The following CTDSPL variants were observed in gnomAD, a reference collection of about 807,000 sequenced individuals.
The protein encoded by CTDSPL is CTD small phosphatase like, also known as CTD small phosphatase-like protein.
CTDSPL carries 8 observed loss-of-function variants against 30.5 expected under a neutral mutation model. The observed-to-expected ratio is 0.26, with a 90% CI of 0.15 to 0.47. The LOEUF is 0.47. Ranked by LOEUF, CTDSPL falls within the 20% of genes least tolerant of loss-of-function variation. CTDSPL has a pLI of 0.99. For missense variants in CTDSPL, 248 were observed against 366.1 expected (o/e 0.68, Z 2.63); for synonymous variants, 110 against 137.9 (o/e 0.80, Z 1.42).
chr3:37,872,259 G>C (rs946039168), intron 1 of CTDSPL, among the ~76,000 whole-genome samples: 1 of 152,058 alleles, frequency 6.6e-6, no homozygotes, highest in African/African-American at 2.4e-5. Context: ...AAAAATCATG[G>C]CTGCTTTAAA....
intron 2 of CTDSPL, among the ~76,000 whole-genome samples, chr3:37,948,198 C>T (rs949032365): frequency 2.6e-5 from 4 of 152,056 alleles, no homozygotes; most frequent in African/African-American, 7.2e-5. Context: ...GCTGGAGAAT[C>T]GCTTGAACCT....
chr3:37,895,644 A>G (rs753316452), intron 1 of CTDSPL, among the ~76,000 whole-genome samples: 5 of 152,168 alleles, frequency 3.3e-5, no homozygotes, highest in Non-Finnish European at 5.9e-5. Flanking sequence ...CTTACTGTCT[A>G]TCTTTTTACA....
intron 1 of CTDSPL, among the ~76,000 whole-genome samples, chr3:37,877,762 A>G (rs545442250): frequency 8.5e-5 from 13 of 152,294 alleles, no homozygotes; most frequent in Admixed American, 3.9e-4. Flanking sequence ...CTTCTGCTGT[A>G]GCCTCAGGAA....
chr3:37,884,408 C>T (rs546401161), intron 1 of CTDSPL, among the ~76,000 whole-genome samples: 26 of 152,188 alleles, frequency 1.7e-4, no homozygotes, highest in Non-Finnish European at 3.5e-4. Context: ...AAAATTCTAA[C>T]AGCAGTTATC....
intron 1 of CTDSPL, among the ~76,000 whole-genome samples, chr3:37,927,894 T>A (rs537768231): frequency 6.6e-6 from 1 of 152,160 alleles, no homozygotes; most frequent in East Asian, 1.9e-4. Context: ...TTTATGCTTC[T>A]GTGAGTTTGC....
At chr3:37,877,720 G>C (rs905247105) in intron 1 of CTDSPL, among the ~76,000 whole-genome samples, 2 of 143,146 alleles carry the variant, frequency 1.4e-5, no homozygotes, top group Non-Finnish European at 3.1e-5. Context: ...GGTTCTGCGG[G>C]CAGTACAGGC....
intron 1 of CTDSPL, among the ~76,000 whole-genome samples, chr3:37,925,922 G>A (rs534081767): frequency 2.6e-5 from 4 of 152,174 alleles, no homozygotes; most frequent in Admixed American, 1.3e-4. Context: ...ACTGTGTGAC[G>A]TACTCTATAT....
At chr3:37,874,586 TG>T (rs1178830378) in intron 1 of CTDSPL, among the ~76,000 whole-genome samples, 4 of 151,984 alleles carry the variant, frequency 2.6e-5, no homozygotes, top group African/African-American at 9.7e-5. Flanking sequence ...AAAAATGAGC[TG>T]GGCGTGGTGG....
intron 1 of CTDSPL, among the ~76,000 whole-genome samples, chr3:37,899,130 T>C (rs569595534): frequency 7.2e-5 from 11 of 152,158 alleles, no homozygotes; most frequent in Non-Finnish European, 1.6e-4. Flanking sequence ...GGAGAAGTGC[T>C]AAGTAGGCAG....
chr3:37,946,065 C>T (rs1398305285), intron 1 of CTDSPL, among the ~76,000 whole-genome samples: 3 of 152,182 alleles, frequency 2.0e-5, no homozygotes, highest in Non-Finnish European at 4.4e-5. Context: ...TCCCATTAAT[C>T]CTAAGCATGG....
At chr3:37,976,785 T>G (rs901048327) in intron 7 of CTDSPL, among the ~76,000 whole-genome samples, 18 of 152,110 alleles carry the variant, frequency 1.2e-4, no homozygotes, top group Admixed American at 5.2e-4. Flanking sequence ...GCCTACTCAC[T>G]GGGTGCAGCA....
At position 37,982,508 on chromosome 3, in the gene CTDSPL, C is replaced by A; in HGVS notation, c.*1641C>A. On this transcript the variant is annotated 3_prime_UTR_variant, in exon 8 of 8. Coordinates refer to ENST00000273179, the MANE Select transcript of CTDSPL (RefSeq NM_001008392.2). ...TTCTGGTGGGAGTGACTGGCATTAA[C>A]AAGACTGGAAATCGGGGGTCAAAGT... 1 of 456,320 alleles carries A rather than the reference C, an allele frequency of 2.2e-6. No homozygotes were observed. Among genetic ancestry groups the A allele is most frequent in the African/African-American group, 2.0e-5 (1 of 50,198 alleles). 28.3% of individuals were successfully genotyped at this position (456,320 alleles called of 1,614,324 possible). A position where few individuals can be genotyped will look rare whatever the true frequency, so the allele number is the denominator to read the frequency against.
intron 1 of CTDSPL, among the ~76,000 whole-genome samples, chr3:37,866,856 A>C (rs1374348095): frequency 3.3e-5 from 5 of 152,254 alleles, no homozygotes; most frequent in Non-Finnish European, 5.9e-5. Flanking sequence ...AGATGACAGA[A>C]GCAGATTTAT....
At chr3:37,909,459 C>T (rs763498387) in intron 1 of CTDSPL, among the ~76,000 whole-genome samples, 12 of 152,216 alleles carry the variant, frequency 7.9e-5, no homozygotes, top group Non-Finnish European at 1.6e-4. Context: ...CCCAGACTGC[C>T]TGTGGCCTGC....
At chr3:37,928,812 C>T (rs1440524620) in intron 1 of CTDSPL, among the ~76,000 whole-genome samples, 1 of 152,134 alleles carries the variant, frequency 6.6e-6, no homozygotes, top group African/African-American at 2.4e-5. Flanking sequence ...TTTTTGCCTT[C>T]ATTACCTGTG....
intron 1 of CTDSPL, among the ~76,000 whole-genome samples, chr3:37,891,454 A>G (rs1018445915): frequency 9.9e-5 from 15 of 152,250 alleles, no homozygotes; most frequent in Admixed American, 9.2e-4. Flanking sequence ...GCACCAGGCC[A>G]GCTGCAAGCG....
At chr3:37,951,322 C>T (rs992498578) in intron 2 of CTDSPL, among the ~76,000 whole-genome samples, 22 of 151,568 alleles carry the variant, frequency 1.5e-4, no homozygotes, top group African/African-American at 4.9e-5. Flanking sequence ...GAGCCGAGAT[C>T]GCCACACTGC....
At chr3:37,874,678 T>C (rs184626280) in intron 1 of CTDSPL, among the ~76,000 whole-genome samples, 1,601 of 152,170 alleles carry the variant, frequency 0.011, 36 homozygotes, top group South Asian at 0.078. Flanking sequence ...TGCAGTGAGC[T>C]GAGACTGCGC....
chr3:37,943,949 A>G (rs1699007936), intron 1 of CTDSPL, among the ~76,000 whole-genome samples: 1 of 150,386 alleles, frequency 6.6e-6, no homozygotes, highest in Non-Finnish European at 1.5e-5. Context: ...TGTTGATATC[A>G]TAGACCAGGA....
Sources: allele counts gnomAD v4.1 joint callset (sites outside exome capture counted in the v4.1 genomes callset), GRCh38; gene constraint gnomAD v4.1.1; transcripts MANE v1.5; gene names NCBI Gene and HGNC (gene_info 2026-07-23, HGNC 2026-07-21).